The following PARD3 variants were observed in gnomAD, a reference collection of about 807,000 sequenced individuals.
PARD3 encodes the protein partitioning defective 3 homolog.
Under a neutral mutation model 155.4 loss-of-function variants are expected in PARD3, and 75 were observed. That is an observed-to-expected ratio of 0.48 (90% CI 0.40 to 0.58). The LOEUF (loss-of-function observed/expected upper bound fraction) is 0.58, where lower values mean the gene tolerates loss of function less well. Ranked by LOEUF, PARD3 falls within the 20% of genes least tolerant of loss-of-function variation. The pLI, the probability that PARD3 is intolerant of heterozygous loss-of-function variation, is 0.00. For missense variants in PARD3, 1,642 were observed against 1,721.7 expected, an observed-to-expected ratio of 0.95 and a Z score of 0.82; for synonymous variants, 576 against 610.5, an observed-to-expected ratio of 0.94 and a Z score of 0.83.
intron 8 of PARD3, 135 bp from the exon 9 acceptor site, chr10:34,383,057 C>A: frequency 1.2e-6 from 1 of 844,850 alleles, no homozygotes. Flanking sequence ...ATTCTAATAA[C>A]CCATTTATCA....
chr10:34,468,945 TA>T (rs1166648763), intron 4 of PARD3, among the ~76,000 whole-genome samples: 1 of 152,250 alleles, frequency 6.6e-6, no homozygotes, highest in Non-Finnish European at 1.5e-5. Context: ...TATACTGTGC[TA>T]ACTTACTGGC....
chr10:34,339,773 CTAAA>C (rs1836603235), intron 16 of PARD3, among the ~76,000 whole-genome samples: 1 of 152,114 alleles, frequency 6.6e-6, no homozygotes, highest in South Asian at 2.1e-4. Context: ...TCTTAAATAA[CTAAA>C]TATTCTTAAA....
chr10:34,728,586 A>G (rs182410934), intron 1 of PARD3, among the ~76,000 whole-genome samples: 38 of 152,358 alleles, frequency 2.5e-4, no homozygotes, highest in African/African-American at 8.2e-4. Context: ...TAATGCTGCT[A>G]ATCAGTTTCC....
intron 2 of PARD3, among the ~76,000 whole-genome samples, chr10:34,637,726 C>T (rs909414017): frequency 2.6e-5 from 4 of 152,158 alleles, no homozygotes; most frequent in African/African-American, 9.7e-5. Context: ...GGAATCAGCA[C>T]CTCTGCATCA....
At chr10:34,254,384 CAAAAACAAAAACAA>C (rs974197777) in intron 22 of PARD3, among the ~76,000 whole-genome samples, 1 of 77,728 alleles carries the variant, frequency 1.3e-5, no homozygotes, top group Non-Finnish European at 2.2e-5. Context: ...GTCTCAAAAA[CAAAAACAAAAACAA>C]AAACAAAAAC....
At chr10:34,345,764 T>C (rs1373408953) in intron 15 of PARD3, 1 of 985,452 alleles carries the variant, frequency 1.0e-6, no homozygotes, top group African/African-American at 1.7e-5. Flanking sequence ...TGTTTGGGCA[T>C]TCTCTTGCAA....
intron 3 of PARD3, among the ~76,000 whole-genome samples, chr10:34,476,723 T>C (rs149244587): frequency 5.0e-4 from 76 of 151,600 alleles, no homozygotes; most frequent in African/African-American, 1.7e-3. Flanking sequence ...TAATAATTTA[T>C]GAAAAATGTA....
At chr10:34,168,572 G>A (rs185021695) in intron 22 of PARD3, among the ~76,000 whole-genome samples, 36 of 152,238 alleles carry the variant, frequency 2.4e-4, no homozygotes, top group African/African-American at 7.5e-4. Flanking sequence ...GTGTGATTTG[G>A]TAAGTCATTG....
chr10:34,593,881 G>C (rs1647374277), intron 2 of PARD3, among the ~76,000 whole-genome samples: 2 of 152,084 alleles, frequency 1.3e-5, no homozygotes. Flanking sequence ...TCTCTTGCTG[G>C]AAACCAAGAG....
chr10:34,289,209 GGACATA>G (rs1337476917), intron 20 of PARD3, among the ~76,000 whole-genome samples: 4 of 151,772 alleles, frequency 2.6e-5, no homozygotes, highest in African/African-American at 9.7e-5. Context: ...GGGTGTTGGG[GGACATA>G]GGCTTGCTCT....
At chr10:34,245,383 T>C (rs2133692303) in intron 22 of PARD3, among the ~76,000 whole-genome samples, 1 of 152,212 alleles carries the variant, frequency 6.6e-6, no homozygotes, top group African/African-American at 2.4e-5. Flanking sequence ...AGTGCTTCCC[T>C]AGAATGAGAA....
In PARD3 at chr10:34,324,852, T is replaced by A. The variant is rs560649606; in HGVS notation, c.2833+6265A>T. On this transcript the variant is annotated intron_variant, in intron 19 of 24. Coordinates refer to ENST00000374788, the MANE Select transcript of PARD3 (RefSeq NM_001184785.2). ...TTTGCTCTGGTACTGCCAAGCATCA[T>A]CGCTCACCTGGATGATTGTACTACT... Among the ~76,000 whole-genome samples the A allele has an allele frequency of 9.8e-5, 15 of 152,296 alleles. No homozygotes were observed. The East Asian group carries it at 1.9e-3, about 20-fold the overall frequency.
At chr10:34,574,973 G>T (rs556172806) in intron 2 of PARD3, among the ~76,000 whole-genome samples, 2 of 152,196 alleles carry the variant, frequency 1.3e-5, no homozygotes, top group Non-Finnish European at 2.9e-5. Flanking sequence ...AAAGATTACT[G>T]AAATGGTTCT....
chr10:34,542,191 A>C (rs1054630111), intron 2 of PARD3, among the ~76,000 whole-genome samples: 1 of 137,976 alleles, frequency 7.2e-6, no homozygotes, highest in African/African-American at 2.7e-5. Flanking sequence ...CAAAGCAGTA[A>C]GGTTGTTTGG....
At chr10:34,354,942 G>C (rs1345380120) in intron 14 of PARD3, among the ~76,000 whole-genome samples, 1 of 152,196 alleles carries the variant, frequency 6.6e-6, no homozygotes, top group African/African-American at 2.4e-5. Context: ...AAGCCTGATT[G>C]CAGAGAAAAC....
intron 4 of PARD3, among the ~76,000 whole-genome samples, chr10:34,461,270 C>T (rs1037782986): frequency 6.6e-6 from 1 of 152,182 alleles, no homozygotes; most frequent in African/African-American, 2.4e-5. Flanking sequence ...AACAGGTAGG[C>T]TTATAAGCTG....
At chr10:34,704,768 G>T (rs764725188) in intron 1 of PARD3, among the ~76,000 whole-genome samples, 6 of 152,130 alleles carry the variant, frequency 3.9e-5, no homozygotes, top group African/African-American at 7.2e-5. Context: ...AGAGAAACAA[G>T]TTTGAAAAGT....
At chr10:34,252,764 A>G (rs1032341800) in intron 22 of PARD3, among the ~76,000 whole-genome samples, 8 of 151,996 alleles carry the variant, frequency 5.3e-5, no homozygotes, top group Non-Finnish European at 8.8e-5. Context: ...ATGTCTATAT[A>G]TATATATATG....
At chr10:34,488,090 C>T (rs765685690) in intron 3 of PARD3, among the ~76,000 whole-genome samples, 1 of 152,100 alleles carries the variant, frequency 6.6e-6, no homozygotes. Context: ...TTGCCAATTT[C>T]ATTTGCCAGT....
Sources: gnomAD v4.1 joint callset for allele counts (sites outside exome capture counted in the v4.1 genomes callset) on GRCh38, gnomAD v4.1.1 for gene constraint, MANE v1.5 for transcripts, NCBI Gene and HGNC (gene_info 2026-07-23, HGNC 2026-07-21) for gene names.